Variants in SNRPN observed in about 807,000 individuals in gnomAD.
SNRPN encodes small nuclear ribonucleoprotein-associated protein N.
In SNRPN, 7 loss-of-function variants were observed where a neutral mutation model predicts 25.2. The ratio of observed to expected loss-of-function variants is 0.28; its 90% confidence interval spans 0.16 to 0.52. The LOEUF (loss-of-function observed/expected upper bound fraction) is 0.52, where lower values mean the gene tolerates loss of function less well. Ranked by LOEUF, SNRPN falls within the 20% of genes least tolerant of loss-of-function variation. The pLI, the probability that SNRPN is intolerant of heterozygous loss-of-function variation, is 0.96. For synonymous variants in SNRPN, 124 were observed against 110.6 expected, an observed-to-expected ratio of 1.12 and a Z score of -0.76; for missense variants, 196 against 322.5, an observed-to-expected ratio of 0.61 and a Z score of 3.00.
intron 1 of SNRPN, among the ~76,000 whole-genome samples, chr15:24,884,797 G>C (rs867242667): frequency 1.3e-5 from 2 of 152,122 alleles, no homozygotes; most frequent in African/African-American, 4.8e-5. Flanking sequence ...TTGTAGGGGA[G>C]ACTCATAGTG....
At chr15:24,881,368 C>CA (rs71127009) in intron 1 of SNRPN, among the ~76,000 whole-genome samples, 39,818 of 146,282 alleles carry the variant, frequency 0.27, 5,551 homozygotes, top group East Asian at 0.36. Flanking sequence ...ACTAAAAATA[C>CA]AAAAAAAAAA....
chr15:24,876,091 T>G (rs1161337739), intron 1 of SNRPN, among the ~76,000 whole-genome samples: 1 of 151,848 alleles, frequency 6.6e-6, no homozygotes, highest in Non-Finnish European at 1.5e-5. Flanking sequence ...ATAAAAATTT[T>G]AAAAATAAGG....
chr15:24,930,804 C>T (rs1010829796), intron 3 of SNRPN, among the ~76,000 whole-genome samples: 12 of 151,028 alleles, frequency 7.9e-5, no homozygotes, highest in Non-Finnish European at 1.3e-4. Context: ...GAGGCTGAGG[C>T]AGGAGAATTG....
upstream of SNRPN, among the ~76,000 whole-genome samples, chr15:24,855,358 T>C (rs2053289721): frequency 6.6e-6 from 1 of 152,198 alleles, no homozygotes; most frequent in Non-Finnish European, 1.5e-5. Flanking sequence ...ACCTAGTGAA[T>C]TTGATCTAAA....
chr15:24,974,323 C>G lies in SNRPN; in HGVS notation c.-131C>G. ...CTTTCCTCTGCAGGCTCCATCTACT[C>G]TTTGAAGCTTCTGCCCAGCTTGCAT... On this transcript the variant is annotated 5_prime_UTR_variant, in exon 4 of 10. Coordinates refer to ENST00000390687, the MANE Select transcript of SNRPN (RefSeq NM_003097.6). 1.2e-6 allele frequency: 1 copy of G among 822,138 alleles called. No individual in the cohort carries two copies. Among genetic ancestry groups the G allele is most frequent in the East Asian group, 2.5e-5 (1 of 40,806 alleles). The allele number at this position is 822,138 out of a possible 1,614,324, so 50.9% of individuals were successfully genotyped here.
At chr15:24,904,227 C>T (rs913820066) in intron 2 of SNRPN, among the ~76,000 whole-genome samples, 2 of 152,136 alleles carry the variant, frequency 1.3e-5, no homozygotes, top group South Asian at 4.1e-4. Context: ...GGAAGCCTGG[C>T]CCCGTAACCA....
chr15:24,969,800 G>A (rs1566968907), intron 3 of SNRPN, among the ~76,000 whole-genome samples: 1 of 152,154 alleles, frequency 6.6e-6, no homozygotes, highest in Non-Finnish European at 1.5e-5. Flanking sequence ...TGTAGAAGAA[G>A]GGTTGGTAAT....
Position 24,956,408 on chromosome 15 carries a change from G to T in SNRPN, c.-391+1346G>T, listed in dbSNP as rs79160074. On this transcript the variant is annotated intron_variant, in intron 1 of 9. Coordinates refer to ENST00000390687, the MANE Select transcript of SNRPN (RefSeq NM_003097.6). ...GCCGCCAGTGGGGAGGGGGCAGGTG[G>T]TGTGTGTTCAGCTTCTGCTGTTTCG... Among the ~76,000 whole-genome samples the T allele has an allele frequency of 1.0e-3, 153 of 152,120 alleles. 3 individuals are homozygous for T. The East Asian group carries it at 0.025, about 25-fold the overall frequency.
intron 2 of SNRPN, among the ~76,000 whole-genome samples, chr15:24,890,485 ACC>A (rs2057583626): frequency 6.6e-6 from 1 of 151,938 alleles, no homozygotes; most frequent in African/African-American, 2.4e-5. Flanking sequence ...GACAAGCCTG[ACC>A]AACATGGTGA....
In SNRPN at chr15:24,862,789, A is replaced by C. The variant is rs181102441; in HGVS notation, c.-579+6073A>C. Among the ~76,000 whole-genome samples the C allele has an allele frequency of 2.7e-4, 41 of 150,888 alleles. No individual in the cohort carries two copies. The East Asian group carries it at 7.5e-3, about 27-fold the overall frequency. Reference sequence around the variant, plus strand: ...GGAGGAGCATTGGAGGAGATGCTGAAGAGTGAGGGGCAGGGGATCCACCAG... The same window carrying C: ...GGAGGAGCATTGGAGGAGATGCTGACGAGTGAGGGGCAGGGGATCCACCAG... On this transcript the variant is annotated intron_variant, in intron 1 of 11. Coordinates refer to the SNRPN transcript ENST00000400097.
chr15:24,891,258 C>G (rs561179050), intron 2 of SNRPN, among the ~76,000 whole-genome samples: 1 of 151,968 alleles, frequency 6.6e-6, no homozygotes, highest in East Asian at 1.9e-4. Context: ...GGTTGTTGCT[C>G]TATTTACCAA....
At chr15:24,833,297 T>C (rs926982872) in intron 2 of SNRPN, among the ~76,000 whole-genome samples, 2 of 151,922 alleles carry the variant, frequency 1.3e-5, no homozygotes, top group African/African-American at 4.8e-5. Context: ...AATGTTTACC[T>C]GATTTTTACT....
intron 2 of SNRPN, among the ~76,000 whole-genome samples, chr15:24,964,653 C>G (rs1240371504): frequency 6.6e-6 from 1 of 152,110 alleles, no homozygotes; most frequent in Admixed American, 6.6e-5. Context: ...TTACTATTCC[C>G]TGAGTTTCTA....
rs34733988 is a variant in SNRPN, at chr15:24,862,143, G to A, written c.-579+5427G>A. On this transcript the variant is annotated intron_variant, in intron 1 of 11. Coordinates refer to the SNRPN transcript ENST00000400097. ...TGGCTACCACTAGGCTAACGCTATT[G>A]TAATAAAATTTGAAATAAAATAGAC... 7.1e-3 allele frequency among the ~76,000 whole-genome samples: 1,071 copies of A among 150,786 alleles called. 94 individuals are homozygous for A. The highest frequency in any genetic ancestry group is 0.025 in the African/African-American group (1,023 of 40,370).
intron 1 of SNRPN, among the ~76,000 whole-genome samples, chr15:24,862,210 C>T (rs1321800053): frequency 1.3e-5 from 2 of 151,110 alleles, no homozygotes; most frequent in African/African-American, 4.9e-5. Context: ...AAATATTTAT[C>T]AAGGGAACCA....
At chr15:24,864,817 G>A (rs1040434071) in intron 1 of SNRPN, among the ~76,000 whole-genome samples, 3 of 151,982 alleles carry the variant, frequency 2.0e-5, no homozygotes, top group Non-Finnish European at 4.4e-5. Flanking sequence ...AAGTGTGTTA[G>A]TTAATCTCCA....
chr15:24,897,333 T>C (rs947627242), intron 2 of SNRPN, among the ~76,000 whole-genome samples: 17 of 152,056 alleles, frequency 1.1e-4, no homozygotes, highest in Admixed American at 9.8e-4. Flanking sequence ...ACACCTGTAA[T>C]CCCAGCATCT....
chr15:24,830,427 C>A (rs548081263), intron 2 of SNRPN, among the ~76,000 whole-genome samples: 2 of 152,136 alleles, frequency 1.3e-5, no homozygotes, highest in South Asian at 2.1e-4. Flanking sequence ...AGGTGCTTTA[C>A]CTTTTACTTT....
chr15:24,923,099 T>C (rs1329473755), intron 3 of SNRPN, among the ~76,000 whole-genome samples: 2 of 151,772 alleles, frequency 1.3e-5, no homozygotes, highest in Non-Finnish European at 2.9e-5. Context: ...AGAGATGGGG[T>C]TTTACCATGT....
Sources: allele counts gnomAD v4.1 joint callset (sites outside exome capture counted in the v4.1 genomes callset), GRCh38; gene constraint gnomAD v4.1.1; transcripts MANE v1.5; gene names NCBI Gene and HGNC (gene_info 2026-07-23, HGNC 2026-07-21).